Variants in SCAF11 observed in about 807,000 individuals in gnomAD.
SCAF11 encodes the protein SR-related CTD associated factor 11.
In SCAF11, 47 loss-of-function variants were observed where a neutral mutation model predicts 140.5. The observed-to-expected ratio is 0.33, with a 90% CI of 0.26 to 0.43. The LOEUF (loss-of-function observed/expected upper bound fraction) is 0.43. Among genes scored for constraint, SCAF11 ranks in the 20% least tolerant of loss-of-function variants. SCAF11 has a pLI of 1.00. For synonymous variants in SCAF11, 557 were observed against 579.4 expected, an observed-to-expected ratio of 0.96 and a Z score of 0.55; for missense variants, 1,645 against 1,705.1, an observed-to-expected ratio of 0.96 and a Z score of 0.62.
chr12:45,943,035 C>A (rs1372451628), intron 6 of SCAF11, among the ~76,000 whole-genome samples: 2 of 152,058 alleles, frequency 1.3e-5, no homozygotes, highest in Non-Finnish European at 2.9e-5. Context: ...GAGTATGAAT[C>A]TAGAATTTAA....
intron 1 of SCAF11, 28 bp from the exon 2 acceptor site, chr12:45,964,216 TTA>T (rs1332185224): frequency 9.5e-7 from 1 of 1,056,538 alleles, no homozygotes; most frequent in Non-Finnish European, 1.4e-6. Flanking sequence ...ATAGAGAATT[TTA>T]TGTTTGCCTT....
At chr12:45,958,149 C>T (rs1945742928) in intron 3 of SCAF11, among the ~76,000 whole-genome samples, 1 of 152,034 alleles carries the variant, frequency 6.6e-6, no homozygotes, top group African/African-American at 2.4e-5. Flanking sequence ...GAGTGATCCA[C>T]CCTCCTTGGC....
At chr12:45,929,618 CA>C (rs1457695732) in intron 10 of SCAF11, 1 of 152,200 alleles carries the variant, frequency 6.6e-6, no homozygotes, top group African/African-American at 2.4e-5. Context: ...GACTTCTAAT[CA>C]GTTCCTCAAA....
upstream of SCAF11, chr12:45,991,780 TCA>T (rs1946617358): frequency 2.4e-6 from 2 of 832,476 alleles, no homozygotes; most frequent in Non-Finnish European, 3.1e-6. Flanking sequence ...CTGCCTGCCC[TCA>T]GTGTCCCCCA....
chr12:45,932,455 T>C (rs1945070306), intron 9 of SCAF11, among the ~76,000 whole-genome samples: 1 of 152,056 alleles, frequency 6.6e-6, no homozygotes, highest in African/African-American at 2.4e-5. Flanking sequence ...AGTACATACA[T>C]CTGGAATTCT....
rs1233274735 is a variant in SCAF11, at chr12:45,972,867, TATATATATATATAGATATATATATAG to T, written c.-21-8705_-21-8680del. 2.2e-3 allele frequency among the ~76,000 whole-genome samples: 89 copies of T among 40,096 alleles called. 3 individuals are homozygous for T. Among genetic ancestry groups the T allele is most frequent in the African/African-American group, 6.9e-3 (67 of 9,746 alleles). The allele number at this position is 40,096 out of a possible 152,430, so 26.3% of individuals were successfully genotyped here. A position where few individuals can be genotyped will look rare whatever the true frequency, so the allele number is the denominator to read the frequency against. ...AAGCCAGTATATATATATATATCGA[TATATATATATATAGATATATATATAG>T]ATATATATATATATAGATATATATA... On this transcript the variant is annotated intron_variant, in intron 1 of 14. Coordinates refer to ENST00000369367, the MANE Select transcript of SCAF11 (RefSeq NM_004719.3).
At chr12:45,924,072 A>C (rs1384266928) in intron 12 of SCAF11, among the ~76,000 whole-genome samples, 1 of 152,096 alleles carries the variant, frequency 6.6e-6, no homozygotes, top group East Asian at 1.9e-4. Flanking sequence ...GCTGATCCTG[A>C]CCTCGTGATT....
At chr12:45,986,147 T>C (rs1413268123) in intron 1 of SCAF11, among the ~76,000 whole-genome samples, 1 of 152,150 alleles carries the variant, frequency 6.6e-6, no homozygotes. Flanking sequence ...ATAGTTCCAA[T>C]TACCTGTATG....
intron 6 of SCAF11, among the ~76,000 whole-genome samples, chr12:45,936,993 A>ACT: frequency 6.6e-6 from 1 of 151,286 alleles, no homozygotes. Flanking sequence ...GTCTGTTTTT[A>ACT]CTCTCTCTCT....
At chr12:45,990,665 G>C (rs1204337906), upstream of SCAF11, 2 of 1,071,228 alleles carry the variant, frequency 1.9e-6, no homozygotes, top group African/African-American at 1.6e-5. Flanking sequence ...GGCGCGCTAA[G>C]GTGACGACGG....
chr12:45,927,372 G>A lies in SCAF11; in HGVS notation c.2329C>T (p.Pro777Ser), dbSNP rs1449984724. 2.5e-6 allele frequency: 4 copies of A among 1,613,928 alleles called. No individual in the cohort carries two copies. The East Asian group carries it at 6.7e-5, about 27-fold the overall frequency. ...VETVSQPSES[P>S]KDTIDKTKKP... ...TTGGTTTTATCTATGGTATCTTTTG[G>A]GCTTTCAGATGGTTGAGAAACAGTT... The change falls in exon 11 of 15, where the codon CCA becomes TCA. Residue 777 changes from proline (P) to serine (S), a missense_variant. Coordinates refer to ENST00000369367, the MANE Select transcript of SCAF11 (RefSeq NM_004719.3).
At chr12:45,983,866 AAAAG>A (rs1186960293) in intron 1 of SCAF11, among the ~76,000 whole-genome samples, 5 of 152,122 alleles carry the variant, frequency 3.3e-5, no homozygotes, top group Non-Finnish European at 7.4e-5. Flanking sequence ...AGTCTAGGGT[AAAAG>A]AAAGGATAAA....
chr12:45,977,454 C>T (rs1027264458), intron 1 of SCAF11, among the ~76,000 whole-genome samples: 5 of 150,372 alleles, frequency 3.3e-5, no homozygotes, highest in Admixed American at 6.6e-5. Context: ...CAGTTTTTGG[C>T]GGGGGTGGGA....
chr12:45,972,585 T>TAAAAAAAAAAAAAAAAAAAAAATCAAA, intron 1 of SCAF11, among the ~76,000 whole-genome samples: 1 of 107,682 alleles, frequency 9.3e-6, no homozygotes, highest in Non-Finnish European at 1.8e-5. Context: ...CCCTGTCTCT[T>TAAAAAAAAAAAAAAAAAAAAAATCAAA]AAAAAAAAAA....
At position 45,940,574 on chromosome 12, in the gene SCAF11, A is replaced by T. The variant is rs1457806949; in HGVS notation, c.463+4675T>A. ...GACAAGACATTTAGCCTTTTAAAAA[A>T]GACTTTACAAAATGATGTTAATACA... is the stretch of plus-strand genomic sequence containing the variant. On this transcript the variant is annotated intron_variant, in intron 6 of 14. Transcript: ENST00000369367. 2.0e-5 allele frequency among the ~76,000 whole-genome samples: 3 copies of T among 152,244 alleles called. No homozygotes were observed. In the East Asian group the frequency reaches 5.8e-4, roughly 29 times the overall value.
rs527821523 is a variant in SCAF11, at chr12:45,964,254, A to C, written c.-21-66T>G. 4 of 766,084 alleles carry C rather than the reference A, an allele frequency of 5.2e-6. No homozygotes were observed. The African/African-American group carries it at 7.1e-5, about 14-fold the overall frequency. 47.5% of individuals were successfully genotyped at this position (766,084 alleles called of 1,614,324 possible). A position where few individuals can be genotyped will look rare whatever the true frequency, so the allele number is the denominator to read the frequency against. ...CTCCCAATAATATCAATTAAAAAAAAATCCTAAACTGTAAGAAATTATTTT... is the reference window on the plus strand; with the variant it reads ...CTCCCAATAATATCAATTAAAAAAACATCCTAAACTGTAAGAAATTATTTT... On this transcript the variant is annotated intron_variant, in intron 1 of 14. Coordinates refer to ENST00000369367, the MANE Select transcript of SCAF11 (RefSeq NM_004719.3).
At chr12:45,960,186 A>C (rs1223976629) in intron 3 of SCAF11, among the ~76,000 whole-genome samples, 1 of 152,178 alleles carries the variant, frequency 6.6e-6, no homozygotes, top group Non-Finnish European at 1.5e-5. Flanking sequence ...GAACATGTAC[A>C]TCAGGGTAAA....
chr12:45,967,025 TAATA>T (rs1014117349), intron 1 of SCAF11, among the ~76,000 whole-genome samples: 6 of 152,306 alleles, frequency 3.9e-5, no homozygotes, highest in Admixed American at 3.9e-4. Context: ...TTGTCCTATT[TAATA>T]GTCTAACCTA....
chr12:45,958,059 C>A (rs1392519892), intron 3 of SCAF11, among the ~76,000 whole-genome samples: 2 of 152,016 alleles, frequency 1.3e-5, no homozygotes, highest in African/African-American at 4.8e-5. Flanking sequence ...CTCCACCATG[C>A]CTGGCTAATT....
Sources: allele counts gnomAD v4.1 joint callset (sites outside exome capture counted in the v4.1 genomes callset), GRCh38; gene constraint gnomAD v4.1.1; transcripts MANE v1.5; gene names NCBI Gene and HGNC (gene_info 2026-07-23, HGNC 2026-07-21).